The following NRIP1 variants were observed in gnomAD, a reference collection of about 807,000 sequenced individuals.
NRIP1 encodes the protein nuclear receptor-interacting protein 1.
A neutral mutation model predicts 75.0 loss-of-function variants in NRIP1; 28 were observed. The observed-to-expected ratio is 0.37, with a 90% CI of 0.28 to 0.51. The LOEUF is 0.51. NRIP1 is among the 20% of genes least tolerant of loss of function. The probability of loss-of-function intolerance (pLI) is 0.92; values close to 1 mark genes in which losing one functional copy is unlikely to be tolerated. For synonymous variants in NRIP1, 526 were observed against 487.6 expected (o/e 1.08, Z -1.04); for missense variants, 1,435 against 1,343.7 (o/e 1.07, Z -1.06).
chr21:15,049,316 A>C (rs573086572), intron 1 of NRIP1, among the ~76,000 whole-genome samples: 5 of 152,278 alleles, frequency 3.3e-5, no homozygotes, highest in African/African-American at 9.6e-5. Context: ...TACATGTCTC[A>C]AATCCAATAA....
rs151161829 is a variant in NRIP1 at position 14,970,849 on chromosome 21, A to T, written c.-334-2323T>A. On this transcript the variant is annotated intron_variant, in intron 3 of 3. Coordinates refer to ENST00000318948, the MANE Select transcript of NRIP1 (RefSeq NM_003489.4). ...TTACTGTGCATGATATAATTTGCAA[A>T]GTATTATTCATTGCTTTAAAAAGAC... is the stretch of plus-strand genomic sequence containing the variant. Among the ~76,000 whole-genome samples the T allele has an allele frequency of 8.3e-4, 126 of 152,346 alleles. 1 individual carries two copies. Among genetic ancestry groups the T allele is most frequent in the African/African-American group, 2.8e-3 (116 of 41,580 alleles).
chr21:14,980,775 A>G (rs1012193623), intron 3 of NRIP1, among the ~76,000 whole-genome samples: 2 of 152,098 alleles, frequency 1.3e-5, no homozygotes, highest in African/African-American at 4.8e-5. Context: ...ATGTACATGT[A>G]AATGTTCTCA....
chr21:15,049,301 T>C (rs889531428), intron 1 of NRIP1, among the ~76,000 whole-genome samples: 1 of 152,166 alleles, frequency 6.6e-6, no homozygotes, highest in African/African-American at 2.4e-5. Context: ...TAGAGAAGCA[T>C]AGTTTACATG....
intron 3 of NRIP1, among the ~76,000 whole-genome samples, chr21:14,982,378 C>T (rs2087261695): frequency 6.6e-6 from 1 of 152,104 alleles, no homozygotes; most frequent in Non-Finnish European, 1.5e-5. Flanking sequence ...AGTGCCCTTC[C>T]CCCCATATCA....
intron 3 of NRIP1, among the ~76,000 whole-genome samples, chr21:14,987,406 C>CA (rs1568959784): frequency 6.6e-6 from 1 of 151,840 alleles, no homozygotes; most frequent in African/African-American, 2.4e-5. Context: ...TTTGGGGACA[C>CA]AAAAAACAAG....
chr21:15,005,280 C>T (rs755721860), intron 3 of NRIP1, among the ~76,000 whole-genome samples: 20 of 152,138 alleles, frequency 1.3e-4, no homozygotes, highest in Non-Finnish European at 2.5e-4. Flanking sequence ...TTGTTCTTTA[C>T]ATGTGTTCTA....
chr21:15,021,053 G>T (rs2088360840), intron 2 of NRIP1, among the ~76,000 whole-genome samples: 1 of 152,016 alleles, frequency 6.6e-6, no homozygotes, highest in South Asian at 2.1e-4. Context: ...CCCACTAATT[G>T]TACACTGGAG....
intron 1 of NRIP1, among the ~76,000 whole-genome samples, chr21:15,064,135 G>C (rs906423258): frequency 6.6e-6 from 1 of 152,252 alleles, no homozygotes; most frequent in Non-Finnish European, 1.5e-5. Flanking sequence ...CCCTAAATGG[G>C]GGCCGGCCCC....
chr21:15,047,980 C>T (rs2089123142), intron 1 of NRIP1, among the ~76,000 whole-genome samples: 1 of 152,036 alleles, frequency 6.6e-6, no homozygotes, highest in South Asian at 2.1e-4. Context: ...ATTAATTGGC[C>T]TAATTTCAAT....
intron 3 of NRIP1, among the ~76,000 whole-genome samples, chr21:14,995,527 T>C (rs757742601): frequency 1.3e-5 from 2 of 152,342 alleles, no homozygotes; most frequent in Non-Finnish European, 2.9e-5. Context: ...AAGCTATAAA[T>C]GATTTTAAAG....
At chr21:15,024,140 A>G (rs1382557202) in intron 2 of NRIP1, among the ~76,000 whole-genome samples, 1 of 152,240 alleles carries the variant, frequency 6.6e-6, no homozygotes, top group Non-Finnish European at 1.5e-5. Flanking sequence ...AAGGTTAACT[A>G]TATGCAAAGC....
chr21:14,971,234 C>T (rs868182989), intron 3 of NRIP1, among the ~76,000 whole-genome samples: 35 of 152,056 alleles, frequency 2.3e-4, no homozygotes, highest in African/African-American at 7.5e-4. Flanking sequence ...GATAACTGAA[C>T]CTTGGGATAC....
chr21:14,996,085 A>G (rs762919103), intron 3 of NRIP1, among the ~76,000 whole-genome samples: 5 of 152,210 alleles, frequency 3.3e-5, no homozygotes, highest in Non-Finnish European at 7.3e-5. Flanking sequence ...ATTTTGTAGT[A>G]GCCACACTTT....
intron 2 of NRIP1, among the ~76,000 whole-genome samples, chr21:15,038,744 T>C (rs1360212407): frequency 3.3e-5 from 5 of 152,014 alleles, no homozygotes; most frequent in African/African-American, 4.8e-5. Context: ...CCTTTAAATA[T>C]TCCCTGCCCC....
At chr21:15,040,978 C>T (rs748206612) in intron 2 of NRIP1, among the ~76,000 whole-genome samples, 3 of 152,082 alleles carry the variant, frequency 2.0e-5, no homozygotes, top group Admixed American at 6.5e-5. Flanking sequence ...CATCCCACCA[C>T]CCAGCAGTTC....
chr21:15,035,908 A>C (rs188825359), intron 2 of NRIP1, among the ~76,000 whole-genome samples: 10 of 152,334 alleles, frequency 6.6e-5, no homozygotes, highest in Non-Finnish European at 1.3e-4. Context: ...CCATGGGAGT[A>C]TTTAAATAAT....
intron 3 of NRIP1, among the ~76,000 whole-genome samples, chr21:14,988,373 T>C (rs1010693967): frequency 1.3e-5 from 2 of 152,096 alleles, no homozygotes; most frequent in Non-Finnish European, 2.9e-5. Flanking sequence ...TTTGACTTAC[T>C]AGTCACCCTA....
rs1332828501 is a variant in NRIP1 at position 15,014,366 on chromosome 21, C to T, written c.-357G>A. On this transcript the variant is annotated 5_prime_UTR_variant, in exon 3 of 4. Transcript: ENST00000318948. ...CACCGTCTGTCTCCAAGCTCTGAGCCTCTGCTTTCTGAGAAAGAAAATTGA... is the reference window on the plus strand; with the variant it reads ...CACCGTCTGTCTCCAAGCTCTGAGCTTCTGCTTTCTGAGAAAGAAAATTGA... The T allele has an allele frequency of 7.5e-6, 3 of 398,102 alleles. No homozygotes were observed. Among genetic ancestry groups the T allele is most frequent in the Non-Finnish European group, 1.3e-5 (3 of 225,796 alleles). The allele number at this position is 398,102 out of a possible 1,614,324, so 24.7% of individuals were successfully genotyped here.
At chr21:15,034,068 T>C (rs2088775851) in intron 2 of NRIP1, among the ~76,000 whole-genome samples, 2 of 152,350 alleles carry the variant, frequency 1.3e-5, no homozygotes, top group African/African-American at 4.8e-5. Flanking sequence ...CTATTGCAAA[T>C]TCACCAAATC....
Sources: allele counts gnomAD v4.1 joint callset (sites outside exome capture counted in the v4.1 genomes callset), GRCh38; gene constraint gnomAD v4.1.1; transcripts MANE v1.5; gene names NCBI Gene and HGNC (gene_info 2026-07-23, HGNC 2026-07-21).